Variants in MED25 observed in about 807,000 individuals in gnomAD.
The protein encoded by MED25 is mediator of RNA polymerase II transcription subunit 25.
Under a neutral mutation model 89.4 loss-of-function variants are expected in MED25, and 62 were observed. That is an observed-to-expected ratio of 0.69 (90% CI 0.57 to 0.86). The LOEUF is 0.86. MED25 is among the 40% of genes least tolerant of loss of function. MED25 has a pLI of 0.00. For missense variants in MED25, 905 were observed against 1,005.2 expected, an observed-to-expected ratio of 0.90 and a Z score of 1.35; for synonymous variants, 449 against 427.9, an observed-to-expected ratio of 1.05 and a Z score of -0.61.
chr19:49,825,436 A>G (rs1427979386), intron 3 of MED25, among the ~76,000 whole-genome samples: 1 of 151,886 alleles, frequency 6.6e-6, no homozygotes, highest in African/African-American at 2.4e-5. Context: ...TTTAGTAGAG[A>G]TAGGGTTTCA....
At position 49,831,926 on chromosome 19, in the gene MED25, T is replaced by C. The variant is rs748601344; in HGVS notation, c.1231-10T>C. 1.1e-5 allele frequency: 18 copies of C among 1,613,326 alleles called. No individual in the cohort carries two copies. The highest frequency in any genetic ancestry group is 1.5e-5 in the Non-Finnish European group (18 of 1,179,516). ...CCCTTTTTACTGACATGCTCTTTTT[T>C]CCCCCTCAGAAACCCAAACCTGCCT... is the stretch of plus-strand genomic sequence containing the variant. On this transcript the variant is annotated splice_polypyrimidine_tract_variant and intron_variant, in intron 10 of 17. Coordinates refer to ENST00000312865, the MANE Select transcript of MED25 (RefSeq NM_030973.4). This position sits in a 1 kb window ranked among gnomAD's most constrained non-coding sequence, Gnocchi z 5.0.
In MED25 at chr19:49,834,732, A is replaced by T; in HGVS notation, c.1483-254A>T. On this transcript the variant is annotated intron_variant, in intron 13 of 17. Transcript: ENST00000312865. The surrounding 1 kb of genome is among the most constrained non-coding windows in gnomAD (Gnocchi z 4.1). ...TCCATGAGGAGCAGGTGGTGGCTGA[A>T]GGTTGAAGAGCTGGGCTCCAGCACT... 1.8e-6 allele frequency: 1 copy of T among 556,176 alleles called. No homozygotes were observed. Among genetic ancestry groups the T allele is most frequent in the South Asian group, 2.1e-5 (1 of 48,422 alleles). The allele number at this position is 556,176 out of a possible 1,614,324, so 34.5% of individuals were successfully genotyped here.
rs1164265270 is a variant in MED25 at position 49,835,680 on chromosome 19, C to T, written c.1747-47C>T. On this transcript the variant is annotated intron_variant, in intron 15 of 17. Transcript: ENST00000312865. This position sits in a 1 kb window ranked among gnomAD's most constrained non-coding sequence, Gnocchi z 6.2. The stretch of plus-strand genomic sequence containing the variant: ...CTGCGCTCTGTGCCTGCAGAAGGGG[C>T]GTGAGGCCCTGCCCATCTCCCTCAC... The T allele has an allele frequency of 1.6e-5, 26 of 1,586,798 alleles. No individual in the cohort carries two copies. Among genetic ancestry groups the T allele is most frequent in the Admixed American group, 7.0e-5 (4 of 57,072 alleles).
At position 49,831,183 on chromosome 19, in the gene MED25, T is replaced by C. The variant is rs2074054007; in HGVS notation, c.1102-150T>C. 2.3e-6 allele frequency: 2 copies of C among 854,080 alleles called. No homozygotes were observed. The highest frequency in any genetic ancestry group is 3.6e-6 in the Non-Finnish European group (2 of 553,940). The allele number at this position is 854,080 out of a possible 1,614,324, so 52.9% of individuals were successfully genotyped here. ...CTCGAATCCTGCAAGGTCCAAGCAT[T>C]TGGGGTCCTGCGGCTGGCCAAGTGC... On this transcript the variant is annotated intron_variant, in intron 9 of 17. Coordinates refer to ENST00000312865, the MANE Select transcript of MED25 (RefSeq NM_030973.4). This position sits in a 1 kb window ranked among gnomAD's most constrained non-coding sequence, Gnocchi z 5.0.
In MED25 at chr19:49,823,847, G is replaced by A. The variant is rs148437343; in HGVS notation, c.305+4551G>A. 1.3e-4 allele frequency among the ~76,000 whole-genome samples: 20 copies of A among 152,210 alleles called. 2 individuals carry two copies. The highest frequency in any genetic ancestry group is 9.8e-4 in the Admixed American group (15 of 15,280). On this transcript the variant is annotated intron_variant, in intron 3 of 17. Transcript: ENST00000312865. ...ACAGTCATTCCTTGTAGTGGGGGCC[G>A]TCCTGGGTATTGTAGGATGTTTAAC...
rs2073962129 is a variant in MED25 at position 49,819,024 on chromosome 19, C to T, written c.181-148C>T. The T allele has an allele frequency of 5.9e-6, 6 of 1,008,940 alleles. No individual in the cohort carries two copies. The Admixed American group carries it at 1.0e-4, about 17-fold the overall frequency. 62.5% of individuals were successfully genotyped at this position (1,008,940 alleles called of 1,614,324 possible). On this transcript the variant is annotated intron_variant, in intron 2 of 17. Transcript: ENST00000312865. ...ATTCCTGGGTCTGAGGGAGAAGGGGCTGGGGCCGAGATTGCTGGGTCTGAG... is the reference window on the plus strand; with the variant it reads ...ATTCCTGGGTCTGAGGGAGAAGGGGTTGGGGCCGAGATTGCTGGGTCTGAG...
In MED25 at chr19:49,830,657, A is replaced by C; in HGVS notation, c.908-37A>C. On this transcript the variant is annotated intron_variant, in intron 8 of 17. Transcript: ENST00000312865. This position sits in a 1 kb window ranked among gnomAD's most constrained non-coding sequence, Gnocchi z 4.6. ...GGGCCAGGCAGGCCTCTCTCCACAC[A>C]CTTGTTCCCCACTTCTTCCCTTGGT... The C allele has an allele frequency of 1.2e-6, 2 of 1,612,986 alleles. No homozygotes were observed. The highest frequency in any genetic ancestry group is 1.7e-6 in the Non-Finnish European group (2 of 1,179,004).
chr19:49,837,061 C>T (rs749938634), downstream of MED25: 2 of 860,408 alleles, frequency 2.3e-6, no homozygotes, highest in Non-Finnish European at 3.9e-6. Flanking sequence ...GTTCTCACTT[C>T]AGCAGACATC....
Position 49,829,754 on chromosome 19 carries a change from C to A in MED25, c.526-32C>A. The A allele has an allele frequency of 6.4e-7, 1 of 1,561,210 alleles. No individual in the cohort carries two copies. Among genetic ancestry groups the A allele is most frequent in the Non-Finnish European group, 8.7e-7 (1 of 1,152,666 alleles). ...GGCCCCAACACCCTTATGGAGGGGG[C>A]CCGTCATGACTGCTCGGCCCCTCTC... On this transcript the variant is annotated intron_variant, in intron 5 of 17. Coordinates refer to ENST00000312865, the MANE Select transcript of MED25 (RefSeq NM_030973.4). This position sits in a 1 kb window ranked among gnomAD's most constrained non-coding sequence, Gnocchi z 4.6.
chr19:49,829,841 T>C lies in MED25; in HGVS notation c.581T>C (p.Leu194Pro). The C allele has an allele frequency of 2.5e-6, 4 of 1,611,826 alleles. No homozygotes were observed. Among genetic ancestry groups the C allele is most frequent in the Non-Finnish European group, 3.4e-6 (4 of 1,179,266 alleles). ...SPRKLPALRLLFEKAAPPALL... is the reference protein window; with the variant it reads ...SPRKLPALRLPFEKAAPPALL... ...CGGAAGCTGCCTGCGCTTCGGCTTCTGTTTGAGAAGGCAGCCCCCCCGGCC... is the reference window on the plus strand; with the variant it reads ...CGGAAGCTGCCTGCGCTTCGGCTTCCGTTTGAGAAGGCAGCCCCCCCGGCC... Residue 194 changes from leucine (L) to proline (P), a missense_variant, in exon 6 of 18, where the codon CTG becomes CCG. Around this residue, in one of 3 missense-constraint regions of MED25, gnomAD observed 501 missense variants for 526.9 expected, o/e 0.95. Coordinates refer to ENST00000312865, the MANE Select transcript of MED25 (RefSeq NM_030973.4). The surrounding 1 kb of genome is among the most constrained non-coding windows in gnomAD (Gnocchi z 4.6).
chr19:49,837,451 C>T (rs1428475860), downstream of MED25, among the ~76,000 whole-genome samples: 1 of 152,194 alleles, frequency 6.6e-6, no homozygotes, highest in Middle Eastern at 3.2e-3. Context: ...TTGAGGAGCT[C>T]GGATTCCAAA....
At position 49,836,134 on chromosome 19, in the gene MED25, C is replaced by A; in HGVS notation, c.1966-92C>A. The A allele has an allele frequency of 6.5e-7, 1 of 1,528,532 alleles. No individual in the cohort carries two copies. Among genetic ancestry groups the A allele is most frequent in the Non-Finnish European group, 9.0e-7 (1 of 1,115,836 alleles). 94.7% of individuals were successfully genotyped at this position (1,528,532 alleles called of 1,614,324 possible). A position where few individuals can be genotyped will look rare whatever the true frequency, so the allele number is the denominator to read the frequency against. ...ACCTTTGAAGAAAAACTTCCCCTCA[C>A]CACTAGCTGATTCCATCTCTGAGCA... On this transcript the variant is annotated intron_variant, in intron 16 of 17. Coordinates refer to ENST00000312865, the MANE Select transcript of MED25 (RefSeq NM_030973.4). This position sits in a 1 kb window ranked among gnomAD's most constrained non-coding sequence, Gnocchi z 5.1.
chr19:49,831,191 C>G lies in MED25; in HGVS notation c.1102-142C>G. On this transcript the variant is annotated intron_variant, in intron 9 of 17. Transcript: ENST00000312865. This position sits in a 1 kb window ranked among gnomAD's most constrained non-coding sequence, Gnocchi z 5.0. ...CTGCAAGGTCCAAGCATTTGGGGTC[C>G]TGCGGCTGGCCAAGTGCTGTTCTGG... The G allele has an allele frequency of 3.2e-6, 3 of 924,236 alleles. No homozygotes were observed. Among genetic ancestry groups the G allele is most frequent in the South Asian group, 1.6e-5 (1 of 62,380 alleles). 57.3% of individuals were successfully genotyped at this position (924,236 alleles called of 1,614,324 possible).
intron 3 of MED25, among the ~76,000 whole-genome samples, chr19:49,823,468 G>A (rs537731261): frequency 6.6e-6 from 1 of 152,262 alleles, no homozygotes; most frequent in East Asian, 1.9e-4. Context: ...TGCCGTGTAA[G>A]TGTTTCCTAG....
downstream of MED25, chr19:49,838,650 G>A (rs748277630): frequency 7.0e-5 from 32 of 457,252 alleles, no homozygotes; most frequent in Middle Eastern, 6.5e-4. Flanking sequence ...ATTTCTTTGT[G>A]GAAGTGAAGA....
Position 49,836,064 on chromosome 19 carries a change from G to C in MED25, c.1965+119G>C, listed in dbSNP as rs550947150. 366 of 1,547,328 alleles carry C rather than the reference G, an allele frequency of 2.4e-4. No individual in the cohort carries two copies. In the African/African-American group the frequency reaches 3.6e-3, roughly 15 times the overall value. On this transcript the variant is annotated intron_variant, in intron 16 of 17. Coordinates refer to ENST00000312865, the MANE Select transcript of MED25 (RefSeq NM_030973.4). The surrounding 1 kb of genome is among the most constrained non-coding windows in gnomAD (Gnocchi z 5.1). ...GTGGGTGTGAATGGGGACCCGCCCA[G>C]GGCTTTAGGCAGAAGGCAGACCGCC...
intron 3 of MED25, among the ~76,000 whole-genome samples, chr19:49,826,107 G>A (rs1438239613): frequency 1.3e-5 from 2 of 152,130 alleles, no homozygotes; most frequent in Middle Eastern, 3.2e-3. Flanking sequence ...TTGGGAGGCC[G>A]AGGCGGGTGG....
intron 3 of MED25, among the ~76,000 whole-genome samples, chr19:49,820,571 A>G (rs146374267): frequency 0.02 from 3,107 of 152,324 alleles, 79 homozygotes; most frequent in South Asian, 0.12. Flanking sequence ...CATTCCATAA[A>G]ACAAAGGAAA....
In MED25 at chr19:49,836,781, G is replaced by T; in HGVS notation, c.2147-66G>T. The T allele has an allele frequency of 7.9e-7, 1 of 1,261,142 alleles. No homozygotes were observed. The highest frequency in any genetic ancestry group is 1.1e-6 in the Non-Finnish European group (1 of 872,368). 78.1% of individuals were successfully genotyped at this position (1,261,142 alleles called of 1,614,324 possible). On this transcript the variant is annotated intron_variant, in intron 17 of 17. Coordinates refer to ENST00000312865, the MANE Select transcript of MED25 (RefSeq NM_030973.4). This position sits in a 1 kb window ranked among gnomAD's most constrained non-coding sequence, Gnocchi z 5.1. ...CCAAGGGCTGCCTAGAAAACTTAGT[G>T]CCTCTGGGCCCTCCTGGGCCCAAGG...
Sources: allele counts gnomAD v4.1 joint callset (sites outside exome capture counted in the v4.1 genomes callset), GRCh38; gene constraint gnomAD v4.1.1; regional missense constraint gnomAD v4.1.1; non-coding constraint Gnocchi (gnomAD v3.1); transcripts MANE v1.5; gene names NCBI Gene and HGNC (gene_info 2026-07-23, HGNC 2026-07-21).